Variants in GDPD1 observed in about 807,000 individuals in gnomAD.
GDPD1 encodes the protein lysophospholipase D GDPD1.
GDPD1 carries 28 observed loss-of-function variants against 45.1 expected under a neutral mutation model. That is an observed-to-expected ratio of 0.62 (90% confidence interval 0.46 to 0.85). The LOEUF (loss-of-function observed/expected upper bound fraction) is 0.85, where lower values mean the gene tolerates loss of function less well. Among genes scored for constraint, GDPD1 ranks in the 40% least tolerant of loss-of-function variants. GDPD1 has a pLI of 0.00. For missense variants in GDPD1, 256 were observed against 364.8 expected (o/e 0.70, Z 2.43); for synonymous variants, 139 against 131.4 (o/e 1.06, Z -0.40).
chr17:59,225,090 C>CTT lies in GDPD1; in HGVS notation c.142+4357_142+4358dup, dbSNP rs796851725. ...ATGTGTTTATTATTTTCTTTCTTTT[C>CTT]TTTTTTTTTTTTTTTTTTTGAGATG... On this transcript the variant is annotated intron_variant, in intron 1 of 9. Coordinates refer to ENST00000284116, the MANE Select transcript of GDPD1 (RefSeq NM_182569.4). 9.7e-4 allele frequency among the ~76,000 whole-genome samples: 110 copies of CTT among 113,656 alleles called. 1 individual carries two copies. The highest frequency in any genetic ancestry group is 2.9e-3 in the South Asian group (10 of 3,400). 74.6% of individuals were successfully genotyped at this position (113,656 alleles called of 152,430 possible).
chr17:59,240,385 T>G (rs2047166779), intron 2 of GDPD1, among the ~76,000 whole-genome samples: 1 of 152,130 alleles, frequency 6.6e-6, no homozygotes, highest in African/African-American at 2.4e-5. Context: ...AGCTGTAAAA[T>G]GTTTGTGTTT....
intron 8 of GDPD1, among the ~76,000 whole-genome samples, chr17:59,271,628 ATTTTAT>A (rs2047445000): frequency 6.7e-6 from 1 of 150,072 alleles, no homozygotes; most frequent in South Asian, 2.1e-4. Flanking sequence ...ATTTTATTTT[ATTTTAT>A]TTTATTTATT....
intron 1 of GDPD1, among the ~76,000 whole-genome samples, chr17:59,229,192 C>T (rs1441393315): frequency 2.7e-5 from 4 of 148,868 alleles, no homozygotes; most frequent in African/African-American, 7.4e-5. Context: ...CTCGCTCTGT[C>T]GCCCAGGCTG....
chr17:59,256,391 T>C (rs1239710064), intron 4 of GDPD1, among the ~76,000 whole-genome samples: 1 of 152,060 alleles, frequency 6.6e-6, no homozygotes, highest in East Asian at 1.9e-4. Flanking sequence ...AAAGAACAAT[T>C]AAAGTCCCCT....
intron 7 of GDPD1, among the ~76,000 whole-genome samples, chr17:59,270,394 T>C (rs77528171): frequency 2.6e-5 from 4 of 151,810 alleles, no homozygotes; most frequent in Admixed American, 2.6e-4. Flanking sequence ...GGGGGGGGTT[T>C]CACTATGTTG....
intron 6 of GDPD1, 65 bp from the exon 7 acceptor site, chr17:59,266,976 G>C (rs1275626438): frequency 1.5e-5 from 19 of 1,300,048 alleles, no homozygotes; most frequent in East Asian, 9.3e-5. Context: ...ACTGAGAGTT[G>C]TGAAGTAATC....
rs781679792 is a variant in GDPD1 at position 59,245,460 on chromosome 17, A to T, written c.232A>T (p.Thr78Ser). 22 of 1,611,402 alleles carry T rather than the reference A, an allele frequency of 1.4e-5. No homozygotes were observed. Among genetic ancestry groups the T allele is most frequent in the African/African-American group, 2.7e-5 (2 of 74,850 alleles). ...TDMLELDCHI[T>S]KDEQVVVSHD... ...TATGCTAGAATTGGACTGCCATATC[A>T]CAAAAGATGAACAAGTTGTAGTGTC... Residue 78 changes from threonine to serine, a missense_variant, in exon 3 of 10, where the codon ACA (threonine) becomes TCA (serine). Physicochemically the swap from Thr to Ser is moderately conservative, Grantham distance 58 (BLOSUM62 1). Transcript: ENST00000284116.
intron 2 of GDPD1, among the ~76,000 whole-genome samples, chr17:59,238,570 T>G (rs941589104): frequency 6.6e-6 from 1 of 151,872 alleles, no homozygotes; most frequent in Non-Finnish European, 1.5e-5. Context: ...CATGCCAGCA[T>G]GCCCAGCTAA....
rs1044203445 is a variant in GDPD1, at chr17:59,256,937, A to G, written c.368-185A>G. ...TAAATCATGCATAGGAAAAAAGAGT[A>G]GAGAAAGTACACCAGATGGTCATAG... On this transcript the variant is annotated intron_variant, in intron 4 of 9. Transcript: ENST00000284116. Among the ~76,000 whole-genome samples, 5 of 152,192 alleles carry G rather than the reference A, an allele frequency of 3.3e-5. 1 individual carries two copies. Among genetic ancestry groups the G allele is most frequent in the African/African-American group, 1.2e-4 (5 of 41,470 alleles).
chr17:59,248,948 A>G (rs910315937), intron 4 of GDPD1, 163 bp downstream of exon 4: 1 of 520,028 alleles, frequency 1.9e-6, no homozygotes, highest in Non-Finnish European at 3.4e-6. Context: ...TATCAGGTCC[A>G]AAGAGTTAAG....
chr17:59,247,141 TACAGAGTTCCCACATACCAGC>T (rs1344702790), intron 3 of GDPD1, among the ~76,000 whole-genome samples: 2 of 152,062 alleles, frequency 1.3e-5, no homozygotes, highest in African/African-American at 4.8e-5. Flanking sequence ...GAGTGGAAAA[TACAGAGTTCCCACATACCAGC>T]ACAGTTACCG....
chr17:59,273,358 C>T (rs2047457954), intron 9 of GDPD1, among the ~76,000 whole-genome samples: 1 of 152,072 alleles, frequency 6.6e-6, no homozygotes, highest in Non-Finnish European at 1.5e-5. Context: ...GAACTCCGGA[C>T]CTCAGGTGAT....
Position 59,260,060 on chromosome 17 carries a change from C to CAAAAAA in GDPD1, c.576+2255_576+2260dup, listed in dbSNP as rs56936442. On this transcript the variant is annotated intron_variant, in intron 6 of 9. Coordinates refer to ENST00000284116, the MANE Select transcript of GDPD1 (RefSeq NM_182569.4). ...TGGGTGACGGAGCCAGACCCTGTCT[C>CAAAAAA]AAAAAAAAAAAAAAAAAAAAAAAAA... Among the ~76,000 whole-genome samples the CAAAAAA allele has an allele frequency of 2.5e-3, 65 of 25,850 alleles. 20 individuals carry two copies. Among genetic ancestry groups the CAAAAAA allele is most frequent in the Non-Finnish European group, 3.6e-3 (52 of 14,512 alleles). 17.0% of individuals were successfully genotyped at this position (25,850 alleles called of 152,430 possible).
intron 1 of GDPD1, among the ~76,000 whole-genome samples, chr17:59,233,686 G>A (rs1024179024): frequency 2.6e-5 from 4 of 151,868 alleles, no homozygotes; most frequent in African/African-American, 4.8e-5. Flanking sequence ...GTGGTATTTC[G>A]TATTTTTTAC....
intron 1 of GDPD1, among the ~76,000 whole-genome samples, chr17:59,233,753 T>G (rs527966225): frequency 5.9e-5 from 9 of 152,262 alleles, no homozygotes; most frequent in Admixed American, 1.3e-4. Flanking sequence ...AGCCTATAAA[T>G]TCAGTCAAGA....
chr17:59,247,753 C>A (rs188315733), intron 3 of GDPD1, among the ~76,000 whole-genome samples: 1 of 152,090 alleles, frequency 6.6e-6, no homozygotes, highest in African/African-American at 2.4e-5. Flanking sequence ...CCTCAGCCCC[C>A]CCAAATAGCT....
intron 2 of GDPD1, among the ~76,000 whole-genome samples, chr17:59,240,651 C>T (rs1329133340): frequency 1.3e-5 from 2 of 151,840 alleles, no homozygotes; most frequent in African/African-American, 2.4e-5. Flanking sequence ...AAATTTTTTT[C>T]GTAAAGATGA....
intron 4 of GDPD1, among the ~76,000 whole-genome samples, chr17:59,255,857 G>GCGTATATATATATATA (rs2047303265): frequency 2.4e-5 from 1 of 40,900 alleles, no homozygotes; most frequent in African/African-American, 1.5e-4. Flanking sequence ...ATATACACAC[G>GCGTATATATATATATA]TATATATATA....
chr17:59,229,582 G>A lies in GDPD1; in HGVS notation c.143-4910G>A, dbSNP rs867700867. On this transcript the variant is annotated intron_variant, in intron 1 of 9. Coordinates refer to ENST00000284116, the MANE Select transcript of GDPD1 (RefSeq NM_182569.4). ...TCACCATGTTGGCTAGGTGGGTCTCGAACTCCTGGACCTCAGGTTATCCGC... is the reference window on the plus strand; with the variant it reads ...TCACCATGTTGGCTAGGTGGGTCTCAAACTCCTGGACCTCAGGTTATCCGC... Among the ~76,000 whole-genome samples, 56 of 150,944 alleles carry A rather than the reference G, an allele frequency of 3.7e-4. 1 individual carries two copies. Among genetic ancestry groups the A allele is most frequent in the South Asian group, 3.1e-3 (15 of 4,776 alleles).
Sources: gnomAD v4.1 joint callset for allele counts (sites outside exome capture counted in the v4.1 genomes callset) on GRCh38, gnomAD v4.1.1 for gene constraint, MANE v1.5 for transcripts, NCBI Gene and HGNC (gene_info 2026-07-23, HGNC 2026-07-21) for gene names.